CCSER1: variants seen among roughly 807,000 people sequenced by gnomAD.
The protein encoded by CCSER1 is serine-rich coiled-coil domain-containing protein 1.
A neutral mutation model predicts 82.0 loss-of-function variants in CCSER1; 41 were observed. The observed-to-expected ratio is 0.50, with a 90% confidence interval of 0.39 to 0.65. The LOEUF (loss-of-function observed/expected upper bound fraction) is 0.65. Among genes scored for constraint, CCSER1 ranks in the 30% least tolerant of loss-of-function variants. The pLI, the probability that CCSER1 is intolerant of heterozygous loss-of-function variation, is 0.00. For missense variants in CCSER1, 1,119 were observed against 1,064.2 expected (o/e 1.05, Z -0.72); for synonymous variants, 414 against 383.9 (o/e 1.08, Z -0.92).
intron 1 of CCSER1, among the ~76,000 whole-genome samples, chr4:90,191,608 T>G (rs1033509927): frequency 6.6e-6 from 1 of 152,000 alleles, no homozygotes; most frequent in Non-Finnish European, 1.5e-5. Flanking sequence ...TGCAGCATCT[T>G]GAGTTCTGGA....
At chr4:90,708,874 A>G (rs1292491765) in intron 6 of CCSER1, among the ~76,000 whole-genome samples, 1 of 152,194 alleles carries the variant, frequency 6.6e-6, no homozygotes, top group Non-Finnish European at 1.5e-5. Context: ...GATATGATAC[A>G]TTTAGAACCC....
At chr4:90,597,077 T>TA (rs879936482) in intron 5 of CCSER1, among the ~76,000 whole-genome samples, 1 of 152,036 alleles carries the variant, frequency 6.6e-6, no homozygotes, top group Non-Finnish European at 1.5e-5. Context: ...AGGCATTTTA[T>TA]AAAATGTAAC....
intron 8 of CCSER1, among the ~76,000 whole-genome samples, chr4:90,895,124 G>T (rs1350779417): frequency 6.6e-6 from 1 of 151,746 alleles, no homozygotes; most frequent in East Asian, 1.9e-4. Flanking sequence ...AAATTAAATT[G>T]CTCATAAATT....
intron 6 of CCSER1, among the ~76,000 whole-genome samples, chr4:90,660,380 C>T (rs1255601867): frequency 6.6e-6 from 1 of 151,964 alleles, no homozygotes; most frequent in African/African-American, 2.4e-5. Flanking sequence ...TATTTTGCAG[C>T]AACATGGATG....
intron 5 of CCSER1, among the ~76,000 whole-genome samples, chr4:90,603,658 C>T (rs570497533): frequency 1.3e-5 from 2 of 152,186 alleles, no homozygotes; most frequent in Admixed American, 6.5e-5. Context: ...GTACATCTCC[C>T]TTTTGGCACA....
chr4:90,982,981 C>T (rs1736255340), intron 9 of CCSER1, among the ~76,000 whole-genome samples: 1 of 151,748 alleles, frequency 6.6e-6, no homozygotes, highest in Non-Finnish European at 1.5e-5. Flanking sequence ...AGTGCATTTC[C>T]TCAGGTTTCC....
intron 1 of CCSER1, among the ~76,000 whole-genome samples, chr4:90,254,359 A>G (rs544178115): frequency 1.3e-5 from 2 of 152,286 alleles, no homozygotes; most frequent in East Asian, 1.9e-4. Flanking sequence ...TCTAATGAGT[A>G]GAATGCTTGG....
At chr4:91,531,752 G>A (rs1188363111) in intron 10 of CCSER1, among the ~76,000 whole-genome samples, 1 of 152,142 alleles carries the variant, frequency 6.6e-6, no homozygotes, top group African/African-American at 2.4e-5. Context: ...TTCTCACATG[G>A]CAGAAGAGGG....
chr4:91,162,897 A>G (rs549791542), intron 10 of CCSER1, among the ~76,000 whole-genome samples: 1 of 151,850 alleles, frequency 6.6e-6, no homozygotes, highest in African/African-American at 2.4e-5. Flanking sequence ...GGATTCATTG[A>G]TTTTTTTGAA....
At chr4:90,906,803 T>G (rs987450506) in intron 8 of CCSER1, among the ~76,000 whole-genome samples, 3 of 152,090 alleles carry the variant, frequency 2.0e-5, no homozygotes, top group African/African-American at 7.2e-5. Context: ...TTAATGAGAA[T>G]AATTTTCAAG....
chr4:90,843,186 A>G (rs551073054), intron 8 of CCSER1, among the ~76,000 whole-genome samples: 1 of 152,268 alleles, frequency 6.6e-6, no homozygotes, highest in East Asian at 1.9e-4. Flanking sequence ...GTGCAAAGGT[A>G]ATAATAGTAT....
intron 1 of CCSER1, among the ~76,000 whole-genome samples, chr4:90,240,201 T>C (rs555687487): frequency 1.8e-4 from 27 of 152,190 alleles, no homozygotes; most frequent in African/African-American, 5.8e-4. Context: ...GTGGCTATGT[T>C]TCAGAGGACA....
intron 4 of CCSER1, among the ~76,000 whole-genome samples, chr4:90,443,683 C>A (rs1760227750): frequency 6.6e-6 from 1 of 151,942 alleles, no homozygotes; most frequent in Admixed American, 6.6e-5. Context: ...GGCTTCATTT[C>A]TATTATAAGC....
At chr4:91,013,152 C>G (rs1039886249) in intron 9 of CCSER1, among the ~76,000 whole-genome samples, 1 of 134,208 alleles carries the variant, frequency 7.5e-6, no homozygotes, top group African/African-American at 2.5e-5. Flanking sequence ...TCTAATCAAC[C>G]ATTTTGCTAA....
chr4:90,314,668 C>G (rs1735855064), intron 3 of CCSER1, among the ~76,000 whole-genome samples: 1 of 151,882 alleles, frequency 6.6e-6, no homozygotes, highest in Admixed American at 6.6e-5. Context: ...GGGAGGATCA[C>G]TTGGGTCCAG....
chr4:91,484,222 T>A (rs1758102823), intron 10 of CCSER1, among the ~76,000 whole-genome samples: 1 of 151,968 alleles, frequency 6.6e-6, no homozygotes, highest in South Asian at 2.1e-4. Context: ...AACACTAAAT[T>A]CAGCTTATTT....
chr4:90,672,990 C>A lies in CCSER1; in HGVS notation c.1932+44758C>A, dbSNP rs190475968. ...AAGTAACATCAAAGATCACTGACCA[C>A]GTATCATCGTAACAGATATAATAAT... On this transcript the variant is annotated intron_variant, in intron 6 of 10. Coordinates refer to ENST00000509176, the MANE Select transcript of CCSER1 (RefSeq NM_001145065.2). Among the ~76,000 whole-genome samples the A allele has an allele frequency of 1.9e-4, 29 of 151,892 alleles. No homozygotes were observed. In the East Asian group the frequency reaches 5.6e-3, roughly 29 times the overall value.
At chr4:90,382,579 G>A (rs72883340) in intron 3 of CCSER1, among the ~76,000 whole-genome samples, 2,943 of 152,020 alleles carry the variant, frequency 0.019, 70 homozygotes, top group African/African-American at 0.06. Context: ...TTCAGAAAAT[G>A]GAATATAAAG....
At chr4:91,404,496 A>T (rs1033065807) in intron 10 of CCSER1, among the ~76,000 whole-genome samples, 10 of 152,114 alleles carry the variant, frequency 6.6e-5, no homozygotes, top group Admixed American at 1.3e-4. Context: ...TTAGGGTGTC[A>T]ATTTTAGATC....
Sources: allele counts gnomAD v4.1 joint callset (sites outside exome capture counted in the v4.1 genomes callset), GRCh38; gene constraint gnomAD v4.1.1; transcripts MANE v1.5; gene names NCBI Gene and HGNC (gene_info 2026-07-23, HGNC 2026-07-21).